The following XKR4 variants were observed in gnomAD, a reference collection of about 807,000 sequenced individuals.
XKR4 encodes the protein XK related 4, also known as XK-related protein 4.
XKR4 carries 12 observed loss-of-function variants against 53.9 expected under a neutral mutation model. The observed-to-expected ratio is 0.22, with a 90% CI of 0.14 to 0.36. XKR4 has a LOEUF of 0.36. Among genes scored for constraint, XKR4 ranks in the 10% least tolerant of loss-of-function variants. XKR4 has a pLI of 1.00. For missense variants in XKR4, 799 were observed against 859.5 expected, an observed-to-expected ratio of 0.93 and a Z score of 0.88; for synonymous variants, 354 against 362.4, an observed-to-expected ratio of 0.98 and a Z score of 0.26.
rs553994469 is a variant in XKR4, at chr8:55,425,952, G to A, written c.1006+68075G>A. 3.7e-4 allele frequency among the ~76,000 whole-genome samples: 57 copies of A among 152,108 alleles called. 1 individual carries two copies. The highest frequency in any genetic ancestry group is 7.1e-4 in the Non-Finnish European group (48 of 68,026). On this transcript the variant is annotated intron_variant, in intron 2 of 2. Transcript: ENST00000327381. ...CCTTTTTCACTCAGTCTAGCACGGG[G>A]GCTCTCAGGGGAAGCACCTCCCTCT...
intron 1 of XKR4, among the ~76,000 whole-genome samples, chr8:55,237,154 C>G (rs1343096850): frequency 1.3e-5 from 2 of 152,210 alleles, no homozygotes; most frequent in African/African-American, 2.4e-5. Context: ...TCATATATCA[C>G]TCTCCTTCGC....
chr8:55,175,703 A>T (rs373313496), intron 1 of XKR4, among the ~76,000 whole-genome samples: 2 of 152,244 alleles, frequency 1.3e-5, no homozygotes, highest in East Asian at 3.8e-4. Flanking sequence ...AATAAAATGC[A>T]CTAAGCTTGA....
At chr8:55,384,212 G>T (rs891233232) in intron 2 of XKR4, among the ~76,000 whole-genome samples, 5 of 152,204 alleles carry the variant, frequency 3.3e-5, no homozygotes, top group Non-Finnish European at 7.3e-5. Flanking sequence ...CAAGACAGGA[G>T]CTCGGAGGCT....
intron 1 of XKR4, among the ~76,000 whole-genome samples, chr8:55,126,361 G>A (rs1028287415): frequency 1.3e-5 from 2 of 152,228 alleles, no homozygotes; most frequent in Non-Finnish European, 2.9e-5. Context: ...AGCTCCAGTA[G>A]AGCTGCTGGA....
chr8:55,479,207 C>G (rs1048541311), intron 2 of XKR4, among the ~76,000 whole-genome samples: 1 of 152,048 alleles, frequency 6.6e-6, no homozygotes, highest in Non-Finnish European at 1.5e-5. Context: ...GTCTCTCAGA[C>G]CACAGTGCAA....
intron 1 of XKR4, among the ~76,000 whole-genome samples, chr8:55,212,016 G>A (rs1429055185): frequency 1.3e-5 from 2 of 152,092 alleles, no homozygotes; most frequent in African/African-American, 4.8e-5. Flanking sequence ...GGGGTGGAGG[G>A]GCAGGGAGCT....
intron 2 of XKR4, among the ~76,000 whole-genome samples, chr8:55,416,946 T>C (rs1804861663): frequency 6.6e-6 from 1 of 152,194 alleles, no homozygotes; most frequent in Admixed American, 6.5e-5. Context: ...GTTTCAAAAT[T>C]AGAAAATAAA....
chr8:55,390,323 G>A (rs1804427044), intron 2 of XKR4, among the ~76,000 whole-genome samples: 1 of 152,158 alleles, frequency 6.6e-6, no homozygotes, highest in African/African-American at 2.4e-5. Context: ...GCAATGGAAA[G>A]CCTAATAAAT....
At chr8:55,316,771 A>G (rs572123575) in intron 1 of XKR4, among the ~76,000 whole-genome samples, 2 of 152,246 alleles carry the variant, frequency 1.3e-5, no homozygotes, top group Admixed American at 1.3e-4. Context: ...GCAACCCCCA[A>G]GCATATTTGA....
At chr8:55,265,852 G>A (rs918045447) in intron 1 of XKR4, among the ~76,000 whole-genome samples, 5 of 151,760 alleles carry the variant, frequency 3.3e-5, no homozygotes, top group Non-Finnish European at 5.9e-5. Flanking sequence ...GGGTGTGGTG[G>A]CATGCACCTG....
chr8:55,469,751 AGCCT>A, intron 2 of XKR4, among the ~76,000 whole-genome samples: 1 of 152,266 alleles, frequency 6.6e-6, no homozygotes, highest in East Asian at 1.9e-4. Flanking sequence ...GGAAGCCAGT[AGCCT>A]GACTATAAGC....
chr8:55,477,205 A>G (rs527866007), intron 2 of XKR4, among the ~76,000 whole-genome samples: 1 of 152,230 alleles, frequency 6.6e-6, no homozygotes, highest in African/African-American at 2.4e-5. Flanking sequence ...TTCCAGAGGA[A>G]CGAGGCAGCA....
chr8:55,384,113 C>T (rs781180909), intron 2 of XKR4, among the ~76,000 whole-genome samples: 20 of 152,088 alleles, frequency 1.3e-4, no homozygotes, highest in Non-Finnish European at 1.9e-4. Flanking sequence ...GAGGACTTTT[C>T]GAGAGAAGGA....
rs914200471 is a variant in XKR4 at position 55,357,741 on chromosome 8, G to A, written c.870G>A (p.Arg290=). ...AGAGTGGGGAGAATGACAGATGGAG[G>A]TTTTACTGGAAAATGGTATATGAGT... ...SRQSGENDRW[R]FYWKMVYEYA... Residue 290 remains arginine (R), a synonymous_variant, in exon 2 of 3, where the codon AGG becomes AGA. Coordinates refer to ENST00000327381, the MANE Select transcript of XKR4 (RefSeq NM_052898.2). 8.7e-6 allele frequency: 14 copies of A among 1,614,092 alleles called. No homozygotes were observed. The highest frequency in any genetic ancestry group is 8.3e-5 in the Admixed American group (5 of 60,012).
At chr8:55,318,769 CA>C (rs1424280176) in intron 1 of XKR4, among the ~76,000 whole-genome samples, 2 of 152,168 alleles carry the variant, frequency 1.3e-5, no homozygotes, top group Non-Finnish European at 2.9e-5. Flanking sequence ...CTGCCCCCAT[CA>C]GGCACGCAAC....
chr8:55,333,286 T>C (rs576098522), intron 1 of XKR4, among the ~76,000 whole-genome samples: 1 of 152,260 alleles, frequency 6.6e-6, no homozygotes, highest in Admixed American at 6.5e-5. Context: ...TGTTTGTCCA[T>C]GTCTTTGTAT....
At chr8:55,110,363 A>G (rs1816214319) in intron 1 of XKR4, among the ~76,000 whole-genome samples, 1 of 152,188 alleles carries the variant, frequency 6.6e-6, no homozygotes. Flanking sequence ...GACCATGGCA[A>G]GTTCTCATGA....
rs140463463 is a variant in XKR4, at chr8:55,256,870, G to A, written c.807-100808G>A. Among the ~76,000 whole-genome samples, 109 of 152,260 alleles carry A rather than the reference G, an allele frequency of 7.2e-4. No individual in the cohort carries two copies. The Middle Eastern group carries it at 0.01, about 14-fold the overall frequency. ...AACAAAATTTCTTAGGCTGGGTAAC[G>A]CATAAATAACAGAAATATATTGCTC... On this transcript the variant is annotated intron_variant, in intron 1 of 2. Transcript: ENST00000327381.
At chr8:55,434,403 T>C (rs1366975460) in intron 2 of XKR4, among the ~76,000 whole-genome samples, 1 of 136,302 alleles carries the variant, frequency 7.3e-6, no homozygotes, top group South Asian at 2.5e-4. Context: ...TCTTACTTGA[T>C]ACCAATCGTG....
Sources: gnomAD v4.1 joint callset for allele counts (sites outside exome capture counted in the v4.1 genomes callset) on GRCh38, gnomAD v4.1.1 for gene constraint, MANE v1.5 for transcripts, NCBI Gene and HGNC (gene_info 2026-07-23, HGNC 2026-07-21) for gene names.